SLC17A8: variants seen among roughly 807,000 people sequenced by gnomAD.
SLC17A8 encodes solute carrier family 17 member 8.
A neutral mutation model predicts 58.0 loss-of-function variants in SLC17A8; 31 were observed. That is an observed-to-expected ratio of 0.53 (90% CI 0.40 to 0.72). The LOEUF is 0.72. SLC17A8 is among the 30% of genes least tolerant of loss of function. SLC17A8 has a pLI of 0.00. For missense variants in SLC17A8, 655 were observed against 727.8 expected (o/e 0.90, Z 1.15); for synonymous variants, 228 against 249.0 (o/e 0.92, Z 0.79).
Position 100,404,095 on chromosome 12 carries a change from G to A in SLC17A8, c.1111G>A (p.Gly371Arg), listed in dbSNP as rs770855416. The A allele has an allele frequency of 1.9e-6, 3 of 1,614,148 alleles. No individual in the cohort carries two copies. In the East Asian group the frequency reaches 6.7e-5, roughly 36 times the overall value. ...TATGACAATCGTTGTACCTATTGGA[G>A]GACAATTGGCTGATTATTTAAGAAG... ...MVMTIVVPIG[G>R]QLADYLRSRQ... Residue 371 changes from glycine to arginine, a missense_variant, in exon 9 of 12, where the codon GGA (glycine) becomes AGA (arginine). By Grantham distance (125) the Gly-to-Arg change is moderately radical. Transcript: ENST00000323346.
chr12:100,374,933 T>C (rs1952584206), intron 1 of SLC17A8, among the ~76,000 whole-genome samples: 1 of 151,908 alleles, frequency 6.6e-6, no homozygotes, highest in Admixed American at 6.6e-5. Flanking sequence ...CAGCTGTAGG[T>C]CCTGCTTCTT....
intron 2 of SLC17A8, among the ~76,000 whole-genome samples, chr12:100,386,277 T>A (rs116767500): frequency 0.011 from 1,620 of 152,290 alleles, 15 homozygotes; most frequent in African/African-American, 0.027. Flanking sequence ...GCCATTTTTT[T>A]AAAAATTTAT....
intron 2 of SLC17A8, among the ~76,000 whole-genome samples, chr12:100,386,331 G>A (rs887900587): frequency 6.6e-6 from 1 of 152,068 alleles, no homozygotes; most frequent in Non-Finnish European, 1.5e-5. Context: ...TAACATGAGA[G>A]CTACTGTTTT....
intron 2 of SLC17A8, among the ~76,000 whole-genome samples, chr12:100,390,218 G>A (rs1001566927): frequency 2.0e-5 from 3 of 152,014 alleles, no homozygotes; most frequent in Admixed American, 6.6e-5. Context: ...TCTTGCCTAG[G>A]CCTTCCAAAG....
intron 1 of SLC17A8, among the ~76,000 whole-genome samples, chr12:100,370,396 C>T (rs963282916): frequency 1.3e-5 from 2 of 152,082 alleles, no homozygotes; most frequent in African/African-American, 4.8e-5. Flanking sequence ...CTCCTGGGTT[C>T]AGGCGATTCT....
intron 4 of SLC17A8, among the ~76,000 whole-genome samples, chr12:100,394,208 A>T (rs1952736174): frequency 6.6e-6 from 1 of 152,186 alleles, no homozygotes; most frequent in East Asian, 1.9e-4. Flanking sequence ...ATATACAGCA[A>T]TGTTTCCCAA....
chr12:100,412,684 A>C (rs1482511245), intron 9 of SLC17A8, 86 bp from the exon 10 acceptor site: 1 of 849,018 alleles, frequency 1.2e-6, no homozygotes, highest in Non-Finnish European at 2.1e-6. Context: ...GTGGAATTAT[A>C]GGTTAGTTCT....
intron 1 of SLC17A8, among the ~76,000 whole-genome samples, chr12:100,373,084 T>C (rs930703972): frequency 2.0e-5 from 3 of 152,158 alleles, no homozygotes; most frequent in African/African-American, 7.2e-5. Context: ...GCTGGACAAC[T>C]GTGCCTGAGA....
At chr12:100,374,456 A>G (rs1383382391) in intron 1 of SLC17A8, among the ~76,000 whole-genome samples, 2 of 152,136 alleles carry the variant, frequency 1.3e-5, no homozygotes, top group East Asian at 3.9e-4. Flanking sequence ...TACTAAAAAT[A>G]CAAAAATTAG....
chr12:100,402,493 G>T lies in SLC17A8; in HGVS notation c.903+14G>T. On this transcript the variant is annotated intron_variant, in intron 7 of 11. Coordinates refer to ENST00000323346, the MANE Select transcript of SLC17A8 (RefSeq NM_139319.3). ...GTTAGTCTAAGTGTAAGTATAAAAAGTCAGATGAAGACTTACCTTTTTTCA... is the reference window on the plus strand; with the variant it reads ...GTTAGTCTAAGTGTAAGTATAAAAATTCAGATGAAGACTTACCTTTTTTCA... The T allele has an allele frequency of 6.2e-7, 1 of 1,613,934 alleles. No individual in the cohort carries two copies. The highest frequency in any genetic ancestry group is 8.5e-7 in the Non-Finnish European group (1 of 1,179,982).
chr12:100,366,050 C>CTTTTTTTTTTT (rs67071341), intron 1 of SLC17A8, among the ~76,000 whole-genome samples: 2 of 90,860 alleles, frequency 2.2e-5, no homozygotes, highest in Non-Finnish European at 4.1e-5. Context: ...GTGATCCCTT[C>CTTTTTTTTTTT]TTTTTTTTTT....
At chr12:100,397,900 C>A (rs929818276) in intron 5 of SLC17A8, among the ~76,000 whole-genome samples, 4 of 151,718 alleles carry the variant, frequency 2.6e-5, no homozygotes, top group Non-Finnish European at 4.4e-5. Flanking sequence ...CGAGATCACA[C>A]CATTGTACTC....
intron 1 of SLC17A8, among the ~76,000 whole-genome samples, chr12:100,371,562 CTTTTG>C (rs1952559141): frequency 6.6e-6 from 1 of 152,118 alleles, no homozygotes; most frequent in Admixed American, 6.6e-5. Context: ...GTTTTCTTTT[CTTTTG>C]TTTTGTTTTT....
At position 100,419,827 on chromosome 12, in the gene SLC17A8, T is replaced by C. The variant is rs758655357; in HGVS notation, c.1438T>C (p.Trp480Arg). 1 of 1,613,732 alleles carries C rather than the reference T, an allele frequency of 6.2e-7. No individual in the cohort carries two copies. The highest frequency in any genetic ancestry group is 1.7e-5 in the Admixed American group (1 of 60,022). ...TTTCCTTATTTAGACCCGTGAAGAA[T>C]GGCAGAATGTGTTCCTCATAGCTGC... is the stretch of plus-strand genomic sequence containing the variant. ...AMTRHKTREE[W>R]QNVFLIAALV... Residue 480 changes from tryptophan (W) to arginine (R), a missense_variant, in exon 12 of 12, where the codon TGG becomes CGG. By Grantham distance (101) the Trp-to-Arg change is moderately radical. Transcript: ENST00000323346.
At chr12:100,390,166 C>T (rs546595614) in intron 2 of SLC17A8, among the ~76,000 whole-genome samples, 1 of 151,746 alleles carries the variant, frequency 6.6e-6, no homozygotes, top group Non-Finnish European at 1.5e-5. Flanking sequence ...GGTCTCGCCA[C>T]GTTGCCCAGG....
intron 2 of SLC17A8, among the ~76,000 whole-genome samples, chr12:100,387,832 C>G (rs1161765079): frequency 2.0e-5 from 3 of 152,192 alleles, no homozygotes; most frequent in Non-Finnish European, 4.4e-5. Context: ...CCTTAGTTTC[C>G]TCATTTGCAA....
At chr12:100,398,974 G>A (rs975657263) in intron 5 of SLC17A8, among the ~76,000 whole-genome samples, 9 of 152,060 alleles carry the variant, frequency 5.9e-5, no homozygotes, top group Non-Finnish European at 8.8e-5. Context: ...GGCCTCCCCC[G>A]CCACGTGGAA....
intron 5 of SLC17A8, among the ~76,000 whole-genome samples, chr12:100,396,717 C>G (rs1297148788): frequency 6.6e-6 from 1 of 151,912 alleles, no homozygotes; most frequent in Non-Finnish European, 1.5e-5. Flanking sequence ...CACAGCACTC[C>G]AGCCTGAGTG....
chr12:100,373,952 A>G lies in SLC17A8; in HGVS notation c.102-6749A>G, dbSNP rs189596114. Among the ~76,000 whole-genome samples, 4 of 152,290 alleles carry G rather than the reference A, an allele frequency of 2.6e-5. No individual in the cohort carries two copies. The East Asian group carries it at 7.7e-4, about 29-fold the overall frequency. On this transcript the variant is annotated intron_variant, in intron 1 of 11. Transcript: ENST00000323346. ...ATGAAAATGACTCTAACTCCATGTG[A>G]GAAGTGTTCTAACAGAGGAATGTAT...
Sources: gnomAD v4.1 joint callset for allele counts (sites outside exome capture counted in the v4.1 genomes callset) on GRCh38, gnomAD v4.1.1 for gene constraint, MANE v1.5 for transcripts, NCBI Gene and HGNC (gene_info 2026-07-23, HGNC 2026-07-21) for gene names.